The following LBX2 variants were observed in gnomAD, a reference collection of about 807,000 sequenced individuals.
LBX2 encodes transcription factor LBX2.
Under a neutral mutation model 7.5 loss-of-function variants are expected in LBX2, and 6 were observed. The ratio of observed to expected loss-of-function variants is 0.80; its 90% CI spans 0.44 to 1.59. The LOEUF is 1.59. Among genes scored for constraint, LBX2 ranks in the 40% most tolerant of loss-of-function variants. LBX2 has a pLI of 0.01. For missense variants in LBX2, 281 were observed against 282.0 expected (o/e 1.00, Z 0.03); for synonymous variants, 143 against 133.2 (o/e 1.07, Z -0.51).
At chr2:74,502,348 A>G (rs1172774250), upstream of LBX2, 2 of 380,098 alleles carry the variant, frequency 5.3e-6, no homozygotes, top group Non-Finnish European at 9.5e-6. This position sits in a 1 kb window ranked among gnomAD's most constrained non-coding sequence, Gnocchi z 5.4. Context: ...TGCTCAATAA[A>G]CGACCTTTAG....
chr2:74,500,068 C>A (rs1379322013), upstream of LBX2, among the ~76,000 whole-genome samples: 1 of 152,202 alleles, frequency 6.6e-6, no homozygotes, highest in Admixed American at 6.5e-5. Flanking sequence ...CCCCACCCCA[C>A]CCCTGAGAAA....
In LBX2 at chr2:74,498,107, C is replaced by G. The variant is rs559124829; in HGVS notation, c.417G>C (p.Lys139Asn). Residue 139 changes from lysine (K) to asparagine (N), a missense_variant, in exon 2 of 2, where the codon AAG becomes AAC. Physicochemically the swap from Lys to Asn is moderately conservative, Grantham distance 94 (BLOSUM62 0). Transcript: ENST00000377566. ...VVTWFQNRRA[K>N]LKRDVEEMRA... ...GCATCTCCTCCACATCGCGCTTGAG[C>G]TTGGCTCGCCGGTTCTGGAACCAAG... 4 of 1,612,980 alleles carry G rather than the reference C, an allele frequency of 2.5e-6. No individual in the cohort carries two copies. The highest frequency in any genetic ancestry group is 3.3e-5 in the Admixed American group (2 of 59,952).
In LBX2 at chr2:74,499,461, G is replaced by C; in HGVS notation, c.77C>G (p.Pro26Arg). ...IADILAPRMV[P>R]RAPSAPQLPE... ...AAGCTGCGGCGCAGAGGGTGCTCGG[G>C]GGACCATGCGCGGGGCTAGGATGTC... Residue 26 changes from proline (P) to arginine (R), a missense_variant, in exon 1 of 2, where the codon CCC (proline) becomes CGC (arginine). Pro to Arg is a moderately radical substitution (Grantham distance 103). Transcript: ENST00000377566. The surrounding 1 kb of genome is among the most constrained non-coding windows in gnomAD (Gnocchi z 4.6). 1 of 1,550,582 alleles carries C rather than the reference G, an allele frequency of 6.4e-7. No individual in the cohort carries two copies. Among genetic ancestry groups the C allele is most frequent in the Non-Finnish European group, 8.7e-7 (1 of 1,146,980 alleles).
rs1293713805 is a variant in LBX2 at position 74,499,311 on chromosome 2, C to T, written c.205+22G>A. On this transcript the variant is annotated intron_variant, in intron 1 of 1. Transcript: ENST00000377566. The surrounding 1 kb of genome is among the most constrained non-coding windows in gnomAD (Gnocchi z 4.6). ...GTGAGGAAAAGGCTAAGTCAGAGTC[C>T]GCGACCTTGCCGGCTCTATACCTTC... 1.9e-5 allele frequency: 30 copies of T among 1,545,672 alleles called. No homozygotes were observed. The highest frequency in any genetic ancestry group is 1.4e-4 in the Admixed American group (7 of 50,956).
chr2:74,502,266 ACCCCATCGGCGGGTTCCT>A, upstream of LBX2: 1 of 215,444 alleles, frequency 4.6e-6, no homozygotes, highest in Middle Eastern at 1.6e-3. The surrounding 1 kb of genome is among the most constrained non-coding windows in gnomAD (Gnocchi z 5.4). Context: ...GCACCCACAC[ACCCCATCGGCGGGTTCCT>A]CCACCCCGGG....
Position 74,498,257 on chromosome 2 carries a change from G to A in LBX2, c.267C>T (p.Arg89=), listed in dbSNP as rs1384326578. 1.1e-5 allele frequency: 18 copies of A among 1,596,674 alleles called. No homozygotes were observed. The highest frequency in any genetic ancestry group is 1.5e-5 in the Non-Finnish European group (18 of 1,174,998). ...GCACCTGTTGCGCGGTGAACGCAGT[G>A]CGTGACTTGCGCCGTTTGCGGCCGA... ...GPFGRKRRKS[R]TAFTAQQVLE... Residue 89 remains arginine (R), a synonymous_variant, in exon 2 of 2, where the codon CGC becomes CGT. Coordinates refer to ENST00000377566, the MANE Select transcript of LBX2 (RefSeq NM_001282430.2).
At position 74,497,940 on chromosome 2, in the gene LBX2, T is replaced by G. The variant is rs776193167; in HGVS notation, c.584A>C (p.Gln195Pro). 45 of 1,579,616 alleles carry G rather than the reference T, an allele frequency of 2.8e-5. No individual in the cohort carries two copies. Among genetic ancestry groups the G allele is most frequent in the Non-Finnish European group, 3.4e-5 (40 of 1,160,262 alleles). The change falls in exon 2 of 2, where the codon CAG becomes CCG. Residue 195 changes from glutamine to proline, a missense_variant. Coordinates refer to ENST00000377566, the MANE Select transcript of LBX2 (RefSeq NM_001282430.2). ...SRPHLSDEEIQVDD is the reference protein window; with the variant it reads ...SRPHLSDEEIPVDD ...GCGGCTTTGTCTTCAATCGTCCACC[T>G]GTATCTCCTCGTCTGACAGGTGGGG...
upstream of LBX2, among the ~76,000 whole-genome samples, chr2:74,499,879 A>G (rs1674449223): frequency 2.0e-5 from 3 of 152,164 alleles, no homozygotes; most frequent in Admixed American, 6.5e-5. This position sits in a 1 kb window ranked among gnomAD's most constrained non-coding sequence, Gnocchi z 4.6. Context: ...CAGACGCTGT[A>G]TGCCGCCGAC....
In LBX2 at chr2:74,498,291, G is replaced by C; in HGVS notation, c.233C>G (p.Pro78Arg). The stretch of plus-strand genomic sequence containing the variant: ...GCGCCGTTTGCGGCCGAAGGGACCA[G>C]GGCCCAGCGCGTCCGGACCTGCCCG... ...EGRAGPDALG[P>R]GPFGRKRRKS... The change falls in exon 2 of 2, where the codon CCT becomes CGT. Residue 78 changes from proline (P) to arginine (R), a missense_variant. Coordinates refer to ENST00000377566, the MANE Select transcript of LBX2 (RefSeq NM_001282430.2). The C allele has an allele frequency of 6.4e-7, 1 of 1,563,888 alleles. No homozygotes were observed. The highest frequency in any genetic ancestry group is 1.2e-5 in the South Asian group (1 of 85,922).
At position 74,498,531 on chromosome 2, in the gene LBX2, G is replaced by A. The variant is rs183824320; in HGVS notation, c.206-213C>T. Among the ~76,000 whole-genome samples the A allele has an allele frequency of 2.3e-3, 356 of 152,368 alleles. 2 individuals carry two copies. Among genetic ancestry groups the A allele is most frequent in the Non-Finnish European group, 4.0e-3 (274 of 68,032 alleles). ...GCGGGCTGGCCACAGGGGTGCGAAA[G>A]GCAGCAGGCTGAGGGCATATTGTAG... is the stretch of plus-strand genomic sequence containing the variant. On this transcript the variant is annotated intron_variant, in intron 1 of 1. Transcript: ENST00000377566.
upstream of LBX2, chr2:74,502,758 G>C: frequency 6.2e-7 from 1 of 1,614,048 alleles, no homozygotes; most frequent in Non-Finnish European, 8.5e-7. This position sits in a 1 kb window ranked among gnomAD's most constrained non-coding sequence, Gnocchi z 5.4. Context: ...CCGGGCGTGC[G>C]GGCCGGGAAG....
Position 74,497,719 on chromosome 2 carries a change from C to T in LBX2, c.*208G>A, listed in dbSNP as rs1558590875. ...ACTGCAGTGAGCGGTGATCGCTCCA[C>T]GGCACTCCAGCCTGGGCGACAGAGC... On this transcript the variant is annotated 3_prime_UTR_variant, in exon 2 of 2. Transcript: ENST00000377566. The T allele has an allele frequency of 1.8e-6, 1 of 565,452 alleles. No individual in the cohort carries two copies. The highest frequency in any genetic ancestry group is 2.9e-5 in the South Asian group (1 of 33,960). 35.0% of individuals were successfully genotyped at this position (565,452 alleles called of 1,614,324 possible).
rs369641153 is a variant in LBX2 at position 74,497,970 on chromosome 2, G to C, written c.554C>G (p.Ser185Cys). The C allele has an allele frequency of 1.2e-6, 2 of 1,602,184 alleles. No individual in the cohort carries two copies. The highest frequency in any genetic ancestry group is 2.7e-5 in the African/African-American group (2 of 74,594). The change falls in exon 2 of 2, where the codon TCC becomes TGC. Residue 185 changes from serine (S) to cysteine (C), a missense_variant. This residue lies in a region of LBX2 where 59 missense variants were observed against 52.9 expected (regional missense o/e 1.11). Transcript: ENST00000377566. ...GLCLGPAGPD[S>C]RPHLSDEEIQ... ...CTCCTCGTCTGACAGGTGGGGCCGG[G>C]AGTCAGGGCCGGCAGGGCCGAGGCA...
At position 74,498,097 on chromosome 2, in the gene LBX2, C is replaced by G. The variant is rs771610376; in HGVS notation, c.427G>C (p.Asp143His). Residue 143 changes from aspartate (D) to histidine (H), a missense_variant, in exon 2 of 2, where the codon GAT becomes CAT. By Grantham distance (81) the Asp-to-His change is moderately conservative (BLOSUM62 -1). Coordinates refer to ENST00000377566, the MANE Select transcript of LBX2 (RefSeq NM_001282430.2). ...FQNRRAKLKRDVEEMRADVAS... is the reference protein window; with the variant it reads ...FQNRRAKLKRHVEEMRADVAS... Reference sequence around the variant, plus strand: ...ACGTCGGCGCGCATCTCCTCCACATCGCGCTTGAGCTTGGCTCGCCGGTTC... The same window carrying G: ...ACGTCGGCGCGCATCTCCTCCACATGGCGCTTGAGCTTGGCTCGCCGGTTC... The G allele has an allele frequency of 2.5e-6, 4 of 1,613,184 alleles. No homozygotes were observed. The Admixed American group carries it at 5.0e-5, about 20-fold the overall frequency.
upstream of LBX2, chr2:74,503,284 G>A: frequency 6.0e-6 from 1 of 167,198 alleles, no homozygotes; most frequent in Non-Finnish European, 1.3e-5. The surrounding 1 kb of genome is among the most constrained non-coding windows in gnomAD (Gnocchi z 5.1). Context: ...GCCCGCAGCT[G>A]GCCAGCTTCA....
At chr2:74,502,397 G>C (rs1674502730), upstream of LBX2, 1 of 488,050 alleles carries the variant, frequency 2.0e-6, no homozygotes, top group African/African-American at 2.0e-5. The surrounding 1 kb of genome is among the most constrained non-coding windows in gnomAD (Gnocchi z 5.4). Context: ...TGAATTCTGT[G>C]AATGTGTAGC....
At chr2:74,500,611 C>CT (rs1197999748), upstream of LBX2, among the ~76,000 whole-genome samples, 1 of 152,182 alleles carries the variant, frequency 6.6e-6, no homozygotes, top group African/African-American at 2.4e-5. Flanking sequence ...AATCTGGGCC[C>CT]TTTTTATCTG....
Position 74,499,210 on chromosome 2 carries a change from C to A in LBX2, c.205+123G>T. Reference sequence around the variant, plus strand: ...GCAGGTGCGAGTCCTGGCACGTGGGCTGAGGACAGGGGAGGATTAGGGTGG... The same window carrying A: ...GCAGGTGCGAGTCCTGGCACGTGGGATGAGGACAGGGGAGGATTAGGGTGG... On this transcript the variant is annotated intron_variant, in intron 1 of 1. Coordinates refer to ENST00000377566, the MANE Select transcript of LBX2 (RefSeq NM_001282430.2). This position sits in a 1 kb window ranked among gnomAD's most constrained non-coding sequence, Gnocchi z 4.6. 1 of 845,078 alleles carries A rather than the reference C, an allele frequency of 1.2e-6. No individual in the cohort carries two copies. Among genetic ancestry groups the A allele is most frequent in the South Asian group, 1.6e-5 (1 of 60,664 alleles). The allele number at this position is 845,078 out of a possible 1,614,324, so 52.3% of individuals were successfully genotyped here. A position where few individuals can be genotyped will look rare whatever the true frequency, so the allele number is the denominator to read the frequency against.
upstream of LBX2, among the ~76,000 whole-genome samples, chr2:74,500,361 A>G (rs2104304219): frequency 6.6e-6 from 1 of 152,248 alleles, no homozygotes; most frequent in South Asian, 2.1e-4. Context: ...TGGCAAAATC[A>G]GTCGATTTTG....
Sources: gnomAD v4.1 joint callset for allele counts (sites outside exome capture counted in the v4.1 genomes callset) on GRCh38, gnomAD v4.1.1 for gene constraint, gnomAD v4.1.1 regional missense constraint, Gnocchi (gnomAD v3.1) non-coding constraint, MANE v1.5 for transcripts, NCBI Gene and HGNC (gene_info 2026-07-23, HGNC 2026-07-21) for gene names.